The following TP63 variants were observed in gnomAD, a reference collection of about 807,000 sequenced individuals.
TP63 encodes tumor protein p63.
A neutral mutation model predicts 82.8 loss-of-function variants in TP63; 17 were observed. The observed-to-expected ratio is 0.21, with a 90% CI of 0.14 to 0.31. The LOEUF (loss-of-function observed/expected upper bound fraction) is 0.31, where lower values mean the gene tolerates loss of function less well. Among genes scored for constraint, TP63 ranks in the 10% least tolerant of loss-of-function variants. The pLI is 1.00. For synonymous variants in TP63, 330 were observed against 321.7 expected, an observed-to-expected ratio of 1.03 and a Z score of -0.28; for missense variants, 648 against 895.3, an observed-to-expected ratio of 0.72 and a Z score of 3.52.
Position 189,864,312 on chromosome 3 carries a change from T to A in TP63, c.660T>A (p.Pro220=). 3 of 1,614,154 alleles carry A rather than the reference T, an allele frequency of 1.9e-6. No individual in the cohort carries two copies. The highest frequency in any genetic ancestry group is 2.5e-6 in the Non-Finnish European group (3 of 1,180,020). Residue 220 remains proline, a synonymous_variant, in exon 5 of 14, where the codon CCT becomes CCA. Transcript: ENST00000264731. ...AGATCAAGGTGATGACCCCACCTCC[T>A]CAGGGAGCTGTTATCCGCGCCATGC... ...PIQIKVMTPP[P]QGAVIRAMPV...
At chr3:189,685,573 G>A (rs1203075712) in intron 1 of TP63, among the ~76,000 whole-genome samples, 1 of 152,038 alleles carries the variant, frequency 6.6e-6, no homozygotes, top group Non-Finnish European at 1.5e-5. Flanking sequence ...AGGCATAAAA[G>A]GTTTTAACTC....
Position 189,631,589 on chromosome 3 carries a change from TG to T in TP63, c.62+13del, listed in dbSNP as rs1560071862. ...CCTTACATCCAGCGGTGAGTTTGAA[TG>T]TGACATAACTTCTCTCAAAACTTAA... On this transcript the variant is annotated intron_variant, in intron 1 of 13. Coordinates refer to ENST00000264731, the MANE Select transcript of TP63 (RefSeq NM_003722.5). 1.2e-6 allele frequency: 2 copies of T among 1,612,760 alleles called. No homozygotes were observed. Among genetic ancestry groups the T allele is most frequent in the Non-Finnish European group, 1.7e-6 (2 of 1,179,016 alleles).
intron 10 of TP63, among the ~76,000 whole-genome samples, chr3:189,879,215 A>G (rs1719631749): frequency 6.6e-6 from 1 of 152,192 alleles, no homozygotes; most frequent in Admixed American, 6.5e-5. Context: ...TTAAGCAAAT[A>G]AAAATGACTT....
intron 4 of TP63, among the ~76,000 whole-genome samples, chr3:189,847,038 C>A (rs1220555048): frequency 6.6e-6 from 1 of 152,090 alleles, no homozygotes; most frequent in East Asian, 1.9e-4. Context: ...ACTGCGTTCT[C>A]TAAGAGATTT....
At chr3:189,686,127 G>C (rs1716414852) in intron 1 of TP63, among the ~76,000 whole-genome samples, 1 of 152,174 alleles carries the variant, frequency 6.6e-6, no homozygotes, top group Non-Finnish European at 1.5e-5. Flanking sequence ...GTGCAGAGCT[G>C]TGACTCGTCA....
intron 4 of TP63, among the ~76,000 whole-genome samples, chr3:189,834,195 G>A (rs1712787143): frequency 6.6e-6 from 1 of 152,152 alleles, no homozygotes; most frequent in African/African-American, 2.4e-5. Flanking sequence ...GTAGAAATTG[G>A]GGATGCTTTT....
intron 3 of TP63, among the ~76,000 whole-genome samples, chr3:189,747,778 C>T (rs541972293): frequency 3.3e-5 from 5 of 151,846 alleles, no homozygotes; most frequent in Non-Finnish European, 7.4e-5. Flanking sequence ...TTGGAAAGGA[C>T]CAGTAAAACC....
chr3:189,763,935 T>C (rs765177720), intron 3 of TP63, among the ~76,000 whole-genome samples: 1 of 152,112 alleles, frequency 6.6e-6, no homozygotes, highest in Non-Finnish European at 1.5e-5. Context: ...CAAGATAAAT[T>C]ATATGGGAAT....
At chr3:189,623,050 C>T in the TP63 span, among the ~76,000 whole-genome samples, 1 of 152,068 alleles carries the variant, frequency 6.6e-6, no homozygotes, top group Non-Finnish European at 1.5e-5. Flanking sequence ...CTCTCTAGCC[C>T]CTCTTTTGTG....
chr3:189,864,853 A>C (rs541901064), intron 5 of TP63, among the ~76,000 whole-genome samples: 2 of 152,044 alleles, frequency 1.3e-5, no homozygotes, highest in East Asian at 3.9e-4. Context: ...AAAAATACAA[A>C]AAAATTAGCT....
chr3:189,709,366 TC>T, intron 1 of TP63, among the ~76,000 whole-genome samples: 1 of 152,324 alleles, frequency 6.6e-6, no homozygotes, highest in South Asian at 2.1e-4. Context: ...TTAACAAACA[TC>T]AAGGTTATAT....
intron 3 of TP63, among the ~76,000 whole-genome samples, chr3:189,786,047 G>C (rs1418176702): frequency 6.6e-6 from 1 of 151,876 alleles, no homozygotes; most frequent in Non-Finnish European, 1.5e-5. Flanking sequence ...AAAAAATCCA[G>C]TATAACTATT....
In TP63 at chr3:189,881,278, T is replaced by TA. The variant is rs1270021877; in HGVS notation, c.1350-5115dup. Reference sequence around the variant, plus strand: ...AAGGGTAGACTACTTTTCTTTTTTTTACTCAAAAGTTTAGAGAATCTCTGT... The same window carrying TA: ...AAGGGTAGACTACTTTTCTTTTTTTTAACTCAAAAGTTTAGAGAATCTCTGT... On this transcript the variant is annotated intron_variant, in intron 10 of 13. Coordinates refer to ENST00000264731, the MANE Select transcript of TP63 (RefSeq NM_003722.5). 3.0e-6 allele frequency: 3 copies of TA among 985,286 alleles called. No individual in the cohort carries two copies. In the Admixed American group the frequency reaches 1.8e-4, roughly 61 times the overall value. 61.0% of individuals were successfully genotyped at this position (985,286 alleles called of 1,614,324 possible). A position where few individuals can be genotyped will look rare whatever the true frequency, so the allele number is the denominator to read the frequency against.
At chr3:189,613,750 C>G in the TP63 span, among the ~76,000 whole-genome samples, 1 of 152,192 alleles carries the variant, frequency 6.6e-6, no homozygotes, top group Non-Finnish European at 1.5e-5. Flanking sequence ...GAACCTACCT[C>G]TTGTATCAGT....
chr3:189,797,104 T>C (rs1467832105), intron 3 of TP63, among the ~76,000 whole-genome samples: 1 of 152,122 alleles, frequency 6.6e-6, no homozygotes. Flanking sequence ...TGATATTTCA[T>C]GCAAAACTTG....
At chr3:189,850,945 A>G (rs1423989035) in intron 4 of TP63, among the ~76,000 whole-genome samples, 1 of 152,212 alleles carries the variant, frequency 6.6e-6, no homozygotes, top group Non-Finnish European at 1.5e-5. Flanking sequence ...GACTTTTACT[A>G]TGTCAACAAA....
chr3:189,667,681 A>G (rs1177490299), intron 1 of TP63, among the ~76,000 whole-genome samples: 1 of 152,112 alleles, frequency 6.6e-6, no homozygotes, highest in Non-Finnish European at 1.5e-5. Flanking sequence ...TTGCATGGTT[A>G]TGGAAGAACC....
the TP63 span, among the ~76,000 whole-genome samples, chr3:189,613,766 C>T: frequency 6.6e-6 from 1 of 152,188 alleles, no homozygotes; most frequent in African/African-American, 2.4e-5. Context: ...TCAGTGTGGC[C>T]TGGATGTAAG....
At chr3:189,789,575 T>C in intron 3 of TP63, 1 of 1,035,538 alleles carries the variant, frequency 9.7e-7, no homozygotes, top group Non-Finnish European at 1.2e-6. Context: ...CAGGTGGAAG[T>C]TGATGGATTG....
Sources: gnomAD v4.1 joint callset for allele counts (sites outside exome capture counted in the v4.1 genomes callset) on GRCh38, gnomAD v4.1.1 for gene constraint, MANE v1.5 for transcripts, NCBI Gene and HGNC (gene_info 2026-07-23, HGNC 2026-07-21) for gene names.